The following KLHL22 variants were observed in gnomAD, a reference collection of about 807,000 sequenced individuals.
The protein encoded by KLHL22 is kelch-like protein 22.
KLHL22 carries 18 observed loss-of-function variants against 60.7 expected under a neutral mutation model. That is an observed-to-expected ratio of 0.30 (90% confidence interval 0.20 to 0.44). KLHL22 has a LOEUF of 0.44. Ranked by LOEUF, KLHL22 falls within the 20% of genes least tolerant of loss-of-function variation. The pLI is 1.00. For missense variants in KLHL22, 596 were observed against 852.3 expected (o/e 0.70, Z 3.74); for synonymous variants, 355 against 354.5 (o/e 1.00, Z -0.01).
intron 2 of KLHL22, among the ~76,000 whole-genome samples, chr22:20,487,497 C>T (rs181186739): frequency 1.3e-4 from 20 of 152,052 alleles, no homozygotes; most frequent in Non-Finnish European, 2.1e-4. Flanking sequence ...GCTGGGATTA[C>T]AGGTGTGAGC....
At chr22:20,493,101 C>T in intron 1 of KLHL22, 1 of 467,634 alleles carries the variant, frequency 2.1e-6, no homozygotes, top group Non-Finnish European at 4.4e-6. Context: ...TGAGGGTGAC[C>T]TCCACAACTA....
intron 5 of KLHL22, chr22:20,450,910 C>G: frequency 6.2e-7 from 1 of 1,612,678 alleles, no homozygotes; most frequent in South Asian, 1.1e-5. Context: ...GCCTGAACTT[C>G]AGAGTCAGAT....
intron 5 of KLHL22, 46 bp downstream of exon 5, chr22:20,457,762 G>T: frequency 6.8e-7 from 1 of 1,466,524 alleles, no homozygotes. Flanking sequence ...ACATCCTGGG[G>T]AAGGAAATTA....
intron 1 of KLHL22, among the ~76,000 whole-genome samples, chr22:20,490,405 C>G (rs915343191): frequency 6.6e-6 from 1 of 152,200 alleles, no homozygotes; most frequent in Non-Finnish European, 1.5e-5. Context: ...AAGCTACATA[C>G]TTGTACAGCA....
At chr22:20,450,492 C>T in intron 5 of KLHL22, 1 of 1,614,026 alleles carries the variant, frequency 6.2e-7, no homozygotes. Flanking sequence ...GCTGTGAGTT[C>T]TTAGAAAGTC....
intron 2 of KLHL22, among the ~76,000 whole-genome samples, chr22:20,479,153 T>C (rs905618825): frequency 1.3e-5 from 2 of 151,554 alleles, no homozygotes; most frequent in Admixed American, 6.6e-5. Context: ...CATTTTTGGC[T>C]CACGGCAGCC....
chr22:20,442,250 C>T lies in KLHL22; in HGVS notation c.1728G>A (p.Gly576=). Residue 576 remains glycine, a synonymous_variant, in exon 7 of 7, where the codon GGG becomes GGA. Transcript: ENST00000328879. ...CTGAGATGGAGTTGTCCAGCTGGGG[C>T]CCTTCCTCCCAGCAGTCCTTCTCCA... is the stretch of plus-strand genomic sequence containing the variant. ...YDVEKDCWEE[G]PQLDNSISGL... 1 of 1,612,882 alleles carries T rather than the reference C, an allele frequency of 6.2e-7. No individual in the cohort carries two copies. The highest frequency in any genetic ancestry group is 8.5e-7 in the Non-Finnish European group (1 of 1,179,418).
At chr22:20,455,447 C>T (rs997897618) in intron 5 of KLHL22, among the ~76,000 whole-genome samples, 1 of 152,222 alleles carries the variant, frequency 6.6e-6, no homozygotes, top group African/African-American at 2.4e-5. Context: ...AGCCCCTCTC[C>T]TGCCCTGGAA....
In KLHL22 at chr22:20,449,724, G is replaced by C. The variant is rs555307800; in HGVS notation, c.1306-3048C>G. On this transcript the variant is annotated intron_variant, in intron 5 of 6. Coordinates refer to ENST00000328879, the MANE Select transcript of KLHL22 (RefSeq NM_032775.4). ...CCTGGCCGTTTATTGAGTTTTAAGA[G>C]TTGTTTATATATGTATTTATTTAAT... Among the ~76,000 whole-genome samples the C allele has an allele frequency of 5.4e-4, 83 of 152,314 alleles. 2 individuals are homozygous for C. The South Asian group carries it at 0.017, about 32-fold the overall frequency.
At chr22:20,489,561 TACA>T (rs2053648383) in intron 1 of KLHL22, among the ~76,000 whole-genome samples, 1 of 152,154 alleles carries the variant, frequency 6.6e-6, no homozygotes, top group Admixed American at 6.6e-5. Context: ...CACAGGGACT[TACA>T]ACATGACCAA....
At chr22:20,468,490 A>C (rs971200445) in intron 3 of KLHL22, among the ~76,000 whole-genome samples, 3 of 152,224 alleles carry the variant, frequency 2.0e-5, no homozygotes, top group South Asian at 4.1e-4. Flanking sequence ...AATCAGACTC[A>C]GGCCTCTGGG....
chr22:20,447,635 C>T (rs1020665983), intron 5 of KLHL22, among the ~76,000 whole-genome samples: 10 of 151,742 alleles, frequency 6.6e-5, no homozygotes, highest in African/African-American at 1.9e-4. Flanking sequence ...CTCCGCCTCC[C>T]GGGTTCGAAT....
chr22:20,454,766 T>C (rs976692886), intron 5 of KLHL22, among the ~76,000 whole-genome samples: 1 of 152,226 alleles, frequency 6.6e-6, no homozygotes, highest in Non-Finnish European at 1.5e-5. Context: ...TTACTATTCT[T>C]ACTCTTCCAA....
At chr22:20,475,054 C>G (rs906453443) in intron 2 of KLHL22, 3 of 152,190 alleles carry the variant, frequency 2.0e-5, no homozygotes, top group African/African-American at 7.2e-5. Flanking sequence ...CTTTTCTGAA[C>G]AGTTCAGATT....
intron 2 of KLHL22, among the ~76,000 whole-genome samples, chr22:20,485,836 T>G (rs165719): frequency 2.6e-5 from 4 of 151,546 alleles, no homozygotes; most frequent in South Asian, 4.2e-4. Context: ...CCACTGCACT[T>G]CAGCCTGGGG....
intron 2 of KLHL22, among the ~76,000 whole-genome samples, chr22:20,472,927 T>C (rs1449723958): frequency 2.0e-5 from 3 of 151,804 alleles, no homozygotes; most frequent in Non-Finnish European, 4.4e-5. Flanking sequence ...GAGACAGGTG[T>C]ACAAGTTCTG....
chr22:20,465,802 G>GT lies in KLHL22; in HGVS notation c.394-227dup, dbSNP rs935405505. Among the ~76,000 whole-genome samples the GT allele has an allele frequency of 2.7e-4, 41 of 151,098 alleles. No homozygotes were observed. The highest frequency in any genetic ancestry group is 1.1e-3 in the Admixed American group (16 of 15,156). ...TACTGGGTGACAGGATATACAGCAT[G>GT]TTTTTTTTTGGTTTTGTTTTGCTTT... On this transcript the variant is annotated intron_variant, in intron 3 of 6. Transcript: ENST00000328879. The surrounding 1 kb of genome is among the most constrained non-coding windows in gnomAD (Gnocchi z 4.9).
At position 20,442,310 on chromosome 22, in the gene KLHL22, G is replaced by A. The variant is rs145958380; in HGVS notation, c.1668C>T (p.Arg556=). The A allele has an allele frequency of 2.3e-3, 3,676 of 1,613,956 alleles. 9 individuals are homozygous for A. Among genetic ancestry groups the A allele is most frequent in the Non-Finnish European group, 2.8e-3 (3,345 of 1,180,024 alleles). ...IYVLGGRSHN[R]GSRTGYVHIY... is the part of the protein sequence containing the mutation. ...TGTGCACGTAGCCTGTGCGGCTGCC[G>A]CGGTTGTGTGAGCGGCCACCTAACA... The change falls in exon 7 of 7, where the codon CGC becomes CGT. Residue 556 remains arginine, a synonymous_variant. Transcript: ENST00000328879.
intron 1 of KLHL22, among the ~76,000 whole-genome samples, chr22:20,492,859 T>C (rs1274379061): frequency 2.0e-5 from 3 of 152,200 alleles, no homozygotes. Flanking sequence ...CCCAAAGTGC[T>C]GGGATTACAG....
Sources: gnomAD v4.1 joint callset for allele counts (sites outside exome capture counted in the v4.1 genomes callset) on GRCh38, gnomAD v4.1.1 for gene constraint, Gnocchi (gnomAD v3.1) non-coding constraint, MANE v1.5 for transcripts, NCBI Gene and HGNC (gene_info 2026-07-23, HGNC 2026-07-21) for gene names.